The following COBLL1 variants were observed in gnomAD, a reference collection of about 807,000 sequenced individuals.
COBLL1 encodes cordon-bleu protein-like 1.
In COBLL1, 50 loss-of-function variants were observed where a neutral mutation model predicts 94.8. The observed-to-expected ratio is 0.53, with a 90% CI of 0.42 to 0.67. COBLL1 has a LOEUF of 0.67. Ranked by LOEUF, COBLL1 falls within the 30% of genes least tolerant of loss-of-function variation. The pLI is 0.00. For synonymous variants in COBLL1, 448 were observed against 473.8 expected, an observed-to-expected ratio of 0.95 and a Z score of 0.71; for missense variants, 1,362 against 1,348.7, an observed-to-expected ratio of 1.01 and a Z score of -0.15.
In COBLL1 at chr2:164,841,572, C is replaced by T; in HGVS notation, c.-51+138G>A. The T allele has an allele frequency of 1.7e-6, 1 of 574,370 alleles. No individual in the cohort carries two copies. The highest frequency in any genetic ancestry group is 2.4e-6 in the Non-Finnish European group (1 of 422,440). 35.6% of individuals were successfully genotyped at this position (574,370 alleles called of 1,614,324 possible). On this transcript the variant is annotated intron_variant, in intron 1 of 13. Coordinates refer to ENST00000652658, the MANE Select transcript of COBLL1 (RefSeq NM_001365672.2). This position sits in a 1 kb window ranked among gnomAD's most constrained non-coding sequence, Gnocchi z 5.5. ...AAAGGAGGAGGAGCGGGGCCGGGCGCACGGGCACCGCTGCCACGCCGGCAG... is the reference window on the plus strand; with the variant it reads ...AAAGGAGGAGGAGCGGGGCCGGGCGTACGGGCACCGCTGCCACGCCGGCAG...
At chr2:164,690,502 T>G (rs1683535057) in intron 13 of COBLL1, among the ~76,000 whole-genome samples, 1 of 152,210 alleles carries the variant, frequency 6.6e-6, no homozygotes, top group Admixed American at 6.6e-5. Context: ...GACTGCCAAG[T>G]CAGGGTCCAT....
intron 2 of COBLL1, among the ~76,000 whole-genome samples, chr2:164,800,288 G>A (rs558082061): frequency 1.3e-5 from 2 of 152,060 alleles, no homozygotes; most frequent in African/African-American, 4.8e-5. Flanking sequence ...TCTCAAAAAA[G>A]GATATACAAA....
chr2:164,740,628 C>T (rs536222983), intron 3 of COBLL1, among the ~76,000 whole-genome samples: 19 of 152,306 alleles, frequency 1.2e-4, no homozygotes, highest in Middle Eastern at 3.4e-3. Context: ...GAAATGCCTA[C>T]CACATTGCAA....
At chr2:164,672,676 G>T (rs896573104) in intron 1 of COBLL1, among the ~76,000 whole-genome samples, 7 of 139,264 alleles carry the variant, frequency 5.0e-5, no homozygotes, top group South Asian at 4.5e-4. Context: ...TCCGCAGTCC[G>T]GCCTGGGCGA....
chr2:164,837,994 C>A (rs1286211339), intron 2 of COBLL1, among the ~76,000 whole-genome samples: 1 of 151,962 alleles, frequency 6.6e-6, no homozygotes, highest in Non-Finnish European at 1.5e-5. Context: ...TCAGCCTGGG[C>A]AACATAGCAA....
intron 2 of COBLL1, among the ~76,000 whole-genome samples, chr2:164,785,613 C>T (rs956375064): frequency 3.9e-5 from 6 of 152,038 alleles, no homozygotes; most frequent in East Asian, 1.9e-4. Context: ...GGAAGTTACA[C>T]GAAATATTTT....
intron 2 of COBLL1, among the ~76,000 whole-genome samples, chr2:164,760,492 T>A (rs1687626521): frequency 6.6e-6 from 1 of 152,208 alleles, no homozygotes; most frequent in African/African-American, 2.4e-5. Flanking sequence ...TCTACACATG[T>A]GGCAAAGTTT....
intron 13 of COBLL1, among the ~76,000 whole-genome samples, chr2:164,691,473 G>T (rs1463367536): frequency 6.6e-6 from 1 of 152,070 alleles, no homozygotes; most frequent in African/African-American, 2.4e-5. Flanking sequence ...TTCCAACCAG[G>T]AGAATTAAGG....
intron 9 of COBLL1, chr2:164,703,313 G>A: frequency 1.3e-6 from 1 of 769,670 alleles, no homozygotes; most frequent in Non-Finnish European, 2.2e-6. Context: ...AATCAGATTT[G>A]TTAGCTCACA....
chr2:164,743,632 T>C, intron 3 of COBLL1, 55 bp downstream of exon 3: 2 of 1,389,866 alleles, frequency 1.4e-6, no homozygotes, highest in South Asian at 1.2e-5. Context: ...TCACAGAGAC[T>C]TTCAATGGTG....
At chr2:164,785,922 ATT>A (rs10571352) in intron 2 of COBLL1, among the ~76,000 whole-genome samples, 52,478 of 150,036 alleles carry the variant, frequency 0.35, 10,648 homozygotes, top group African/African-American at 0.57. Context: ...CAAAAGGTAG[ATT>A]TTTTTTTTTT....
chr2:164,771,820 AT>A (rs1266279182), intron 2 of COBLL1: 1 of 152,016 alleles, frequency 6.6e-6, no homozygotes, highest in African/African-American at 2.4e-5. Flanking sequence ...AACTTCAAAA[AT>A]CTACAGAAAA....
At chr2:164,837,927 G>A (rs1683400179) in intron 2 of COBLL1, among the ~76,000 whole-genome samples, 1 of 152,118 alleles carries the variant, frequency 6.6e-6, no homozygotes. Flanking sequence ...TGTGACTGTA[G>A]TCTCGGCCAT....
chr2:164,675,330 A>G (rs1691318265), downstream of COBLL1, among the ~76,000 whole-genome samples: 1 of 152,222 alleles, frequency 6.6e-6, no homozygotes, highest in Non-Finnish European at 1.5e-5. Context: ...GCCTTCTACA[A>G]GTGAGCTGAT....
At chr2:164,700,409 G>T in intron 10 of COBLL1, 113 bp downstream of exon 10, 1 of 655,710 alleles carries the variant, frequency 1.5e-6, no homozygotes, top group Non-Finnish European at 2.6e-6. Flanking sequence ...AAAGGATAAA[G>T]TCAAAACCAA....
At chr2:164,818,332 A>ATGTATACATATACACATGTG (rs1356412039) in intron 2 of COBLL1, among the ~76,000 whole-genome samples, 3 of 146,190 alleles carry the variant, frequency 2.1e-5, no homozygotes, top group Non-Finnish European at 4.5e-5. Flanking sequence ...ATGTATACAT[A>ATGTATACATATACACATGTG]TATGTATATA....
intron 2 of COBLL1, among the ~76,000 whole-genome samples, chr2:164,818,267 C>CGTTT (rs1559045513): frequency 6.3e-4 from 64 of 102,374 alleles, no homozygotes; most frequent in Non-Finnish European, 1.1e-3. Flanking sequence ...CACATATACA[C>CGTTT]GTATGTATGT....
In COBLL1 at chr2:164,681,780, A is replaced by AT. The variant is rs1159239744; in HGVS notation, c.*4165dup. The AT allele has an allele frequency of 6.6e-6, 1 of 152,084 alleles. No homozygotes were observed. The highest frequency in any genetic ancestry group is 2.4e-5 in the African/African-American group (1 of 41,418). 9.4% of individuals were successfully genotyped at this position (152,084 alleles called of 1,614,324 possible). A position where few individuals can be genotyped will look rare whatever the true frequency, so the allele number is the denominator to read the frequency against. On this transcript the variant is annotated 3_prime_UTR_variant, in exon 14 of 14. Coordinates refer to ENST00000652658, the MANE Select transcript of COBLL1 (RefSeq NM_001365672.2). ...AAGTAATTAGCAAGACTTACAAATG[A>AT]TTTTTTCCAGTTTGTGAAGCAGAGA...
At position 164,681,482 on chromosome 2, in the gene COBLL1, T is replaced by C. The variant is rs1268486601; in HGVS notation, c.*4464A>G. ...TACTCTCAAAACCTGCTCCTATGGGTGGGAGAGGGGGCTCTGCCTCTTTAA... is the reference window on the plus strand; with the variant it reads ...TACTCTCAAAACCTGCTCCTATGGGCGGGAGAGGGGGCTCTGCCTCTTTAA... On this transcript the variant is annotated 3_prime_UTR_variant, in exon 14 of 14. Coordinates refer to ENST00000652658, the MANE Select transcript of COBLL1 (RefSeq NM_001365672.2). The C allele has an allele frequency of 2.6e-5, 4 of 152,208 alleles. No homozygotes were observed. The highest frequency in any genetic ancestry group is 5.9e-5 in the Non-Finnish European group (4 of 68,086). The allele number at this position is 152,208 out of a possible 1,614,324, so 9.4% of individuals were successfully genotyped here.
Sources: allele counts gnomAD v4.1 joint callset (sites outside exome capture counted in the v4.1 genomes callset), GRCh38; gene constraint gnomAD v4.1.1; non-coding constraint Gnocchi (gnomAD v3.1); transcripts MANE v1.5; gene names NCBI Gene and HGNC (gene_info 2026-07-23, HGNC 2026-07-21).